Variants in SYNE1 observed in about 807,000 individuals in gnomAD.
The protein encoded by SYNE1 is nesprin-1.
SYNE1 carries 616 observed loss-of-function variants against 1,111.0 expected under a neutral mutation model. The observed-to-expected ratio is 0.55, with a 90% CI of 0.52 to 0.59. The LOEUF (loss-of-function observed/expected upper bound fraction) is 0.59. Among genes scored for constraint, SYNE1 ranks in the 20% least tolerant of loss-of-function variants. The pLI, the probability that SYNE1 is intolerant of heterozygous loss-of-function variation, is 0.00. For synonymous variants in SYNE1, 3,855 were observed against 3,825.8 expected, an observed-to-expected ratio of 1.01 and a Z score of -0.28; for missense variants, 10,006 against 10,417.0, an observed-to-expected ratio of 0.96 and a Z score of 1.72.
intron 3 of SYNE1, among the ~76,000 whole-genome samples, chr6:152,626,323 C>T (rs978217143): frequency 6.6e-6 from 1 of 152,072 alleles, no homozygotes; most frequent in Non-Finnish European, 1.5e-5. Flanking sequence ...CTAATATATT[C>T]AAAGGAAAAT....
At chr6:152,173,844 A>G (rs1461861738) in intron 130 of SYNE1, among the ~76,000 whole-genome samples, 9 of 152,246 alleles carry the variant, frequency 5.9e-5, no homozygotes. Flanking sequence ...AGTGAGAAGC[A>G]TGTGTACCTT....
At chr6:152,332,604 A>G (rs952115951) in intron 77 of SYNE1, among the ~76,000 whole-genome samples, 1 of 152,200 alleles carries the variant, frequency 6.6e-6, no homozygotes, top group African/African-American at 2.4e-5. Context: ...GAAATTAATA[A>G]GTGATGCATG....
At chr6:152,354,421 T>C (rs2096798198) in intron 67 of SYNE1, among the ~76,000 whole-genome samples, 1 of 152,132 alleles carries the variant, frequency 6.6e-6, no homozygotes, top group Non-Finnish European at 1.5e-5. Context: ...AACAAGGTAA[T>C]AGGGTATGGA....
chr6:152,461,543 C>G (rs1463315044), intron 21 of SYNE1, 54 bp downstream of exon 21: 19 of 1,612,246 alleles, frequency 1.2e-5, no homozygotes, highest in Non-Finnish European at 1.5e-5. Flanking sequence ...AGCAAGCAAG[C>G]TGAAGGCACT....
intron 37 of SYNE1, 60 bp from the exon 38 acceptor site, chr6:152,427,876 C>A (rs2098384433): frequency 2.5e-6 from 4 of 1,611,246 alleles, no homozygotes; most frequent in Admixed American, 1.7e-5. Flanking sequence ...GCAGATTAAA[C>A]CTTTGTGAAG....
At chr6:152,497,475 G>A (rs2099005919) in intron 11 of SYNE1, among the ~76,000 whole-genome samples, 1 of 152,148 alleles carries the variant, frequency 6.6e-6, no homozygotes, top group African/African-American at 2.4e-5. Context: ...AGGTACCAGA[G>A]GTCAGTGTGG....
chr6:152,381,794 G>A (rs2097422186), intron 55 of SYNE1, among the ~76,000 whole-genome samples: 1 of 152,112 alleles, frequency 6.6e-6, no homozygotes, highest in Admixed American at 6.5e-5. Context: ...TTCTTCAACA[G>A]GGTGGTGGCT....
intron 128 of SYNE1, chr6:152,185,160 A>G (rs993354310): frequency 1.3e-5 from 2 of 152,222 alleles, no homozygotes; most frequent in Non-Finnish European, 2.9e-5. Flanking sequence ...AAACCAAAAC[A>G]GAATAAAAAC....
intron 123 of SYNE1, 37 bp downstream of exon 123, chr6:152,213,575 A>T: frequency 6.2e-7 from 1 of 1,613,358 alleles, no homozygotes; most frequent in Non-Finnish European, 8.5e-7. Flanking sequence ...GGGCCTAAAA[A>T]TTTCTTATTA....
intron 8 of SYNE1, among the ~76,000 whole-genome samples, chr6:152,507,564 T>C (rs1272835124): frequency 1.3e-5 from 2 of 152,162 alleles, no homozygotes; most frequent in Non-Finnish European, 2.9e-5. Context: ...AACCTCTTAT[T>C]TGAGAATTTT....
intron 126 of SYNE1, among the ~76,000 whole-genome samples, chr6:152,204,345 G>A (rs2076092379): frequency 6.9e-6 from 1 of 145,018 alleles, no homozygotes. Context: ...CAGCCTGGGT[G>A]ACACAGGGAG....
intron 91 of SYNE1, among the ~76,000 whole-genome samples, chr6:152,307,898 T>C (rs1249358439): frequency 6.6e-6 from 1 of 152,180 alleles, no homozygotes; most frequent in Non-Finnish European, 1.5e-5. Flanking sequence ...AGTGGCGCGA[T>C]CTTGGCTCAC....
At chr6:152,534,025 G>T (rs1454710035) in intron 4 of SYNE1, among the ~76,000 whole-genome samples, 1 of 151,892 alleles carries the variant, frequency 6.6e-6, no homozygotes, top group Non-Finnish European at 1.5e-5. Context: ...TGGGCATGGC[G>T]GTGGGCTCCT....
rs780033455 is a variant in SYNE1 at position 152,399,751 on chromosome 6, G to A, written c.7102C>T (p.Arg2368Cys). 1.6e-5 allele frequency: 26 copies of A among 1,613,912 alleles called. No individual in the cohort carries two copies. The highest frequency in any genetic ancestry group is 4.4e-5 in the South Asian group (4 of 91,084). Residue 2368 changes from arginine (R) to cysteine (C), a missense_variant, in exon 48 of 146, where the codon CGC (arginine) becomes TGC (cysteine). Physicochemically the swap from Arg to Cys is radical, Grantham distance 180. Around this residue, in one of 7 missense-constraint regions of SYNE1, gnomAD observed 4,955 missense variants for 5,017.2 expected, o/e 0.99. Transcript: ENST00000367255. Reference sequence around the variant, plus strand: ...TCCAACTCAGCTGAGTGGTACTTGCGGCACAAGCTATTGAGATTTTCTTGG... The same window carrying A: ...TCCAACTCAGCTGAGTGGTACTTGCAGCACAAGCTATTGAGATTTTCTTGG... ...STQENLNSLC[R>C]KYHSAELESL...
At chr6:152,477,776 G>C (rs1427079647) in intron 14 of SYNE1, among the ~76,000 whole-genome samples, 1 of 152,134 alleles carries the variant, frequency 6.6e-6, no homozygotes. Flanking sequence ...GAATAGGGAA[G>C]ACCAGAAAGG....
rs1330740554 is a variant in SYNE1, at chr6:152,461,722, G to A, written c.2269C>T (p.Pro757Ser). 9 of 1,613,790 alleles carry A rather than the reference G, an allele frequency of 5.6e-6. No individual in the cohort carries two copies. The highest frequency in any genetic ancestry group is 7.6e-6 in the Non-Finnish European group (9 of 1,179,936). Residue 757 changes from proline (P) to serine (S), a missense_variant, in exon 21 of 146, where the codon CCT becomes TCT. Coordinates refer to ENST00000367255, the MANE Select transcript of SYNE1 (RefSeq NM_182961.4). ...QDLEDIEQRV[P>S]VMDAQYKIIT... ...ATCTTGTATTGGGCATCCATCACAG[G>A]CACCCTCTGCTCAATATCCTGCATG...
chr6:152,416,840 G>A lies in SYNE1; in HGVS notation c.5597C>T (p.Ala1866Val). 1 of 1,614,128 alleles carries A rather than the reference G, an allele frequency of 6.2e-7. No individual in the cohort carries two copies. The highest frequency in any genetic ancestry group is 8.5e-7 in the Non-Finnish European group (1 of 1,180,004). The change falls in exon 41 of 146, where the codon GCC (alanine) becomes GTC (valine). Residue 1866 changes from alanine (A) to valine (V), a missense_variant. Around this residue, in one of 7 missense-constraint regions of SYNE1, gnomAD observed 4,955 missense variants for 5,017.2 expected, o/e 0.99. Coordinates refer to ENST00000367255, the MANE Select transcript of SYNE1 (RefSeq NM_182961.4). The part of the protein sequence containing the change: ...ASQVVERRQL[A>V]LSHLAEFLQS... ...GAGGAATTCTGCCAAATGGGACAGG[G>A]CAAGCTGCCGCCTCTCCACAACCTG...
At chr6:152,344,017 A>G in intron 74 of SYNE1, 64 bp downstream of exon 74, 1 of 1,607,578 alleles carries the variant, frequency 6.2e-7, no homozygotes, top group South Asian at 1.1e-5. Flanking sequence ...TAGGTACTTC[A>G]CACATTTTCA....
intron 2 of SYNE1, among the ~76,000 whole-genome samples, chr6:152,633,277 A>G (rs2099700984): frequency 1.3e-5 from 2 of 152,172 alleles, no homozygotes; most frequent in South Asian, 4.1e-4. Context: ...AAATTTTTCC[A>G]GGGGAAGGAA....
Sources: allele counts gnomAD v4.1 joint callset (sites outside exome capture counted in the v4.1 genomes callset), GRCh38; gene constraint gnomAD v4.1.1; regional missense constraint gnomAD v4.1.1; transcripts MANE v1.5; gene names NCBI Gene and HGNC (gene_info 2026-07-23, HGNC 2026-07-21).